The following GSE1 variants were observed in gnomAD, a reference collection of about 807,000 sequenced individuals.
GSE1 encodes genetic suppressor element 1.
Under a neutral mutation model 112.6 loss-of-function variants are expected in GSE1, and 32 were observed. The observed-to-expected ratio is 0.28, with a 90% CI of 0.21 to 0.38. The LOEUF is 0.38. Among genes scored for constraint, GSE1 ranks in the 10% least tolerant of loss-of-function variants. GSE1 has a pLI of 1.00. For missense variants in GSE1, 2,348 were observed against 1,699.2 expected (o/e 1.38, Z -6.71); for synonymous variants, 1,115 against 735.6 (o/e 1.52, Z -8.35).
chr16:85,618,144 G>A (rs1473877385), intron 1 of GSE1, among the ~76,000 whole-genome samples: 1 of 152,140 alleles, frequency 6.6e-6, no homozygotes, highest in Non-Finnish European at 1.5e-5. Context: ...TCCAGCTGGA[G>A]GACTTGACGT....
chr16:85,403,423 G>A (rs769549576), intron 2 of GSE1, among the ~76,000 whole-genome samples: 4 of 152,110 alleles, frequency 2.6e-5, no homozygotes, highest in Non-Finnish European at 4.4e-5. Flanking sequence ...CTGAGTGTTC[G>A]GAGAATGAGG....
intron 1 of GSE1, among the ~76,000 whole-genome samples, chr16:85,578,502 T>C (rs1306205678): frequency 1.3e-5 from 2 of 152,194 alleles, no homozygotes; most frequent in Non-Finnish European, 2.9e-5. Flanking sequence ...CGACTTTCTC[T>C]GTCTTGTTCT....
chr16:85,414,843 C>G (rs562256217), intron 2 of GSE1, among the ~76,000 whole-genome samples: 1 of 152,278 alleles, frequency 6.6e-6, no homozygotes, highest in African/African-American at 2.4e-5. Context: ...ACCATGTTGG[C>G]AAGGCTGGTC....
At chr16:85,188,926 G>T in intron 1 of GSE1, among the ~76,000 whole-genome samples, 1 of 152,130 alleles carries the variant, frequency 6.6e-6, no homozygotes, top group East Asian at 1.9e-4. Flanking sequence ...AAAATCTGGT[G>T]CATATGTGCA....
At chr16:85,639,837 C>G (rs553913350) in intron 2 of GSE1, among the ~76,000 whole-genome samples, 1 of 152,244 alleles carries the variant, frequency 6.6e-6, no homozygotes, top group African/African-American at 2.4e-5. Flanking sequence ...GTGCAGCAGG[C>G]GGCAGCCTCC....
chr16:85,280,732 A>T (rs891582955), intron 1 of GSE1, among the ~76,000 whole-genome samples: 2 of 152,038 alleles, frequency 1.3e-5, no homozygotes, highest in African/African-American at 4.8e-5. Flanking sequence ...CCCCCACACC[A>T]TCCCTGCCGT....
Position 85,382,321 on chromosome 16 carries a change from G to A in GSE1, c.2464+24678G>A, listed in dbSNP as rs754075887. ...GACTGTGGTGGGGGCAGGGACGGCCGCCTTGTAGTCACCAGACCCTCTGAG... is the reference window on the plus strand; with the variant it reads ...GACTGTGGTGGGGGCAGGGACGGCCACCTTGTAGTCACCAGACCCTCTGAG... On this transcript the variant is annotated intron_variant, in intron 2 of 2. Coordinates refer to the GSE1 transcript ENST00000637419. Among the ~76,000 whole-genome samples the A allele has an allele frequency of 4.8e-4, 73 of 152,312 alleles. 1 individual carries two copies. The highest frequency in any genetic ancestry group is 6.8e-3 in the Middle Eastern group (2 of 294).
rs1393332280 is a variant in GSE1, at chr16:85,229,866, C to A, written c.2283+58059C>A. Among the ~76,000 whole-genome samples, 10 of 152,326 alleles carry A rather than the reference C, an allele frequency of 6.6e-5. No individual in the cohort carries two copies. In the East Asian group the frequency reaches 1.9e-3, roughly 29 times the overall value. ...ACATCACATTCTCACACGATAGCAT[C>A]CAAAAGCAGGGTGAGAAGGGGGTAG... On this transcript the variant is annotated intron_variant, in intron 1 of 2. Transcript: ENST00000637419.
At chr16:85,422,347 TGCGGGAAGGAGCTGG>T (rs904780958) in intron 2 of GSE1, among the ~76,000 whole-genome samples, 1 of 148,654 alleles carries the variant, frequency 6.7e-6, no homozygotes, top group African/African-American at 2.5e-5. Context: ...TAAGAGGCTC[TGCGGGAAGGAGCTGG>T]GCGGGGCGGG....
intron 2 of GSE1, among the ~76,000 whole-genome samples, chr16:85,441,830 C>T (rs2049383208): frequency 6.6e-6 from 1 of 152,176 alleles, no homozygotes; most frequent in South Asian, 2.1e-4. Flanking sequence ...GCAATGCTTT[C>T]TCCTCGCAGC....
chr16:85,379,216 G>C (rs1046077409), intron 2 of GSE1, among the ~76,000 whole-genome samples: 2 of 152,172 alleles, frequency 1.3e-5, no homozygotes, highest in African/African-American at 4.8e-5. Flanking sequence ...TCCTCCGCAT[G>C]CAGTGCCATC....
chr16:85,644,742 C>A (rs1374669868), intron 2 of GSE1, among the ~76,000 whole-genome samples: 2 of 151,976 alleles, frequency 1.3e-5, no homozygotes, highest in East Asian at 3.9e-4. Flanking sequence ...TCGCACAACT[C>A]TGGACGTGCT....
chr16:85,274,826 C>T (rs986902370), intron 1 of GSE1, among the ~76,000 whole-genome samples: 1 of 152,240 alleles, frequency 6.6e-6, no homozygotes, highest in Non-Finnish European at 1.5e-5. Context: ...ACACTGGCAC[C>T]TGCCTCCAGC....
At chr16:85,548,907 A>G (rs1157564010) in intron 2 of GSE1, among the ~76,000 whole-genome samples, 1 of 152,144 alleles carries the variant, frequency 6.6e-6, no homozygotes, top group African/African-American at 2.4e-5. Context: ...CTCCTGCCTC[A>G]GCCTCCCGAG....
At chr16:85,561,410 G>A (rs924325430) in intron 1 of GSE1, among the ~76,000 whole-genome samples, 7 of 151,910 alleles carry the variant, frequency 4.6e-5, no homozygotes, top group East Asian at 3.9e-4. Flanking sequence ...CGTTGGCAGC[G>A]GCGCCCTCCG....
chr16:85,359,605 G>A (rs969082126), intron 2 of GSE1, among the ~76,000 whole-genome samples: 1 of 152,214 alleles, frequency 6.6e-6, no homozygotes, highest in Non-Finnish European at 1.5e-5. Flanking sequence ...GCTGGGCACC[G>A]AGGAAGAACC....
intron 2 of GSE1, among the ~76,000 whole-genome samples, chr16:85,500,422 A>T (rs542813483): frequency 2.0e-5 from 3 of 152,342 alleles, no homozygotes; most frequent in East Asian, 1.9e-4. Context: ...ATCACTCGGC[A>T]CTTCAAAAGC....
At chr16:85,572,136 T>C (rs1487237642) in intron 1 of GSE1, among the ~76,000 whole-genome samples, 4 of 110,890 alleles carry the variant, frequency 3.6e-5, no homozygotes, top group South Asian at 3.2e-4. Flanking sequence ...ACACACCACA[T>C]ACCACACACA....
Position 85,419,825 on chromosome 16 carries a change from A to G in GSE1, c.2464+62182A>G, listed in dbSNP as rs1442147218. On this transcript the variant is annotated intron_variant, in intron 2 of 2. Transcript: ENST00000637419. The surrounding 1 kb of genome is among the most constrained non-coding windows in gnomAD (Gnocchi z 6.5). The stretch of plus-strand genomic sequence containing the variant: ...GAGTAGGGCTTCTGCAGGGCCAGCC[A>G]GGAACTCCACAGGTGAAGTGGAGTG... Among the ~76,000 whole-genome samples, 1 of 141,970 alleles carries G rather than the reference A, an allele frequency of 7.0e-6. No homozygotes were observed. The highest frequency in any genetic ancestry group is 1.5e-5 in the Non-Finnish European group (1 of 64,950). The allele number at this position is 141,970 out of a possible 152,430, so 93.1% of individuals were successfully genotyped here. A position where few individuals can be genotyped will look rare whatever the true frequency, so the allele number is the denominator to read the frequency against.
Sources: gnomAD v4.1 joint callset for allele counts (sites outside exome capture counted in the v4.1 genomes callset) on GRCh38, gnomAD v4.1.1 for gene constraint, Gnocchi (gnomAD v3.1) non-coding constraint, MANE v1.5 for transcripts, NCBI Gene and HGNC (gene_info 2026-07-23, HGNC 2026-07-21) for gene names.